Variants in RIPOR2 observed in about 807,000 individuals in gnomAD.
The protein encoded by RIPOR2 is RHO family interacting cell polarization regulator 2.
In RIPOR2, 39 loss-of-function variants were observed where a neutral mutation model predicts 114.5. The ratio of observed to expected loss-of-function variants is 0.34; its 90% CI spans 0.26 to 0.44. RIPOR2 has a LOEUF of 0.44. RIPOR2 is among the 20% of genes least tolerant of loss of function. RIPOR2 has a pLI of 1.00. For missense variants in RIPOR2, 1,007 were observed against 1,255.1 expected, an observed-to-expected ratio of 0.80 and a Z score of 2.99; for synonymous variants, 445 against 484.4, an observed-to-expected ratio of 0.92 and a Z score of 1.07.
At chr6:24,898,542 T>G (rs1768102722) in intron 1 of RIPOR2, 1 of 152,208 alleles carries the variant, frequency 6.6e-6, no homozygotes, top group Admixed American at 6.5e-5. Context: ...TTCCTTTGGT[T>G]GTCCTTTTTT....
intron 13 of RIPOR2, 72 bp downstream of exon 13, chr6:24,842,790 C>T: frequency 1.2e-6 from 1 of 841,504 alleles, no homozygotes; most frequent in Non-Finnish European, 1.7e-6. Context: ...AATGATACCT[C>T]ATCTTAAATA....
At chr6:24,839,679 G>T in intron 13 of RIPOR2, 1 of 1,523,034 alleles carries the variant, frequency 6.6e-7, no homozygotes, top group South Asian at 1.3e-5. Context: ...ACAAAGCCTT[G>T]GGAAACAGAA....
intron 1 of RIPOR2, among the ~76,000 whole-genome samples, chr6:24,932,406 G>A (rs1469642518): frequency 6.6e-6 from 1 of 151,842 alleles, no homozygotes; most frequent in Non-Finnish European, 1.5e-5. Flanking sequence ...CAGACATTGG[G>A]ATTTGCAGTG....
In RIPOR2 at chr6:24,883,232, A is replaced by C. The variant is rs1766513873; in HGVS notation, c.62-7415T>G. 6.6e-6 allele frequency among the ~76,000 whole-genome samples: 1 copy of C among 152,196 alleles called. No homozygotes were observed. The highest frequency in any genetic ancestry group is 6.5e-5 in the Admixed American group (1 of 15,282). ...ACATCTGTGATTTCTGAATGACATG[A>C]GTAAGGATATCTCAGTTCTCGCCAA... is the stretch of plus-strand genomic sequence containing the variant. On this transcript the variant is annotated intron_variant, in intron 1 of 21. Transcript: ENST00000643898. This position sits in a 1 kb window ranked among gnomAD's most constrained non-coding sequence, Gnocchi z 4.1.
At chr6:24,987,558 A>G (rs141178445) in intron 1 of RIPOR2, among the ~76,000 whole-genome samples, 4 of 152,188 alleles carry the variant, frequency 2.6e-5, no homozygotes, top group Non-Finnish European at 5.9e-5. Flanking sequence ...TTTGAAACAC[A>G]TAAGGAGATG....
At chr6:24,990,458 C>A (rs1258106268) in intron 1 of RIPOR2, among the ~76,000 whole-genome samples, 1 of 152,194 alleles carries the variant, frequency 6.6e-6, no homozygotes, top group African/African-American at 2.4e-5. Flanking sequence ...TTCATATGGC[C>A]TCATGGTCTC....
At chr6:24,821,819 G>A (rs1019256530) in intron 19 of RIPOR2, among the ~76,000 whole-genome samples, 12 of 152,222 alleles carry the variant, frequency 7.9e-5, no homozygotes, top group African/African-American at 2.7e-4. Flanking sequence ...TTCCAGAGGT[G>A]GATATACACC....
chr6:25,019,794 A>G (rs1375850835), intron 1 of RIPOR2, among the ~76,000 whole-genome samples: 24 of 149,538 alleles, frequency 1.6e-4, no homozygotes, highest in East Asian at 9.7e-4. Context: ...AAAAAAAAAA[A>G]AAAAGAAAAG....
At chr6:24,994,083 C>T (rs965869269) in intron 1 of RIPOR2, among the ~76,000 whole-genome samples, 8 of 152,118 alleles carry the variant, frequency 5.3e-5, no homozygotes, top group Non-Finnish European at 8.8e-5. Flanking sequence ...AAAATGTAAG[C>T]TCCCAGACAA....
chr6:24,868,493 C>A (rs2113863882), intron 6 of RIPOR2, among the ~76,000 whole-genome samples: 1 of 152,230 alleles, frequency 6.6e-6, no homozygotes. Context: ...GTGCCCAGAA[C>A]AAGGGGGTGA....
chr6:24,821,426 C>T lies in RIPOR2; in HGVS notation c.2869-2801G>A, dbSNP rs190001370. 3.6e-3 allele frequency among the ~76,000 whole-genome samples: 539 copies of T among 150,054 alleles called. 16 individuals are homozygous for T. In the East Asian group the frequency reaches 0.083, roughly 23 times the overall value. The stretch of plus-strand genomic sequence containing the variant: ...CTCAAACTCCCGACCTCAGGTGATG[C>T]GCCCGCCTCGGCCTCCCAAAGTGCT... On this transcript the variant is annotated intron_variant, in intron 19 of 21. Coordinates refer to ENST00000643898, the MANE Select transcript of RIPOR2 (RefSeq NM_001286445.3).
Position 24,832,444 on chromosome 6 carries a change from T to C in RIPOR2, c.2209-53A>G, listed in dbSNP as rs866594705. 312 of 1,494,856 alleles carry C rather than the reference T, an allele frequency of 2.1e-4. 1 individual carries two copies. Among genetic ancestry groups the C allele is most frequent in the Middle Eastern group, 3.4e-4 (2 of 5,868 alleles). The allele number at this position is 1,494,856 out of a possible 1,614,324, so 92.6% of individuals were successfully genotyped here. ...CAATTATGTTGTTTTCAGTAGAGCT[T>C]TCTCTACCCAGCCTCATCCTTCCTG... is the stretch of plus-strand genomic sequence containing the variant. On this transcript the variant is annotated intron_variant, in intron 15 of 21. Coordinates refer to ENST00000643898, the MANE Select transcript of RIPOR2 (RefSeq NM_001286445.3).
chr6:24,835,409 C>T (rs1562234838), intron 15 of RIPOR2, among the ~76,000 whole-genome samples: 1 of 152,050 alleles, frequency 6.6e-6, no homozygotes, highest in South Asian at 2.1e-4. Context: ...AATGGCTTCC[C>T]CCCACCCCCT....
chr6:24,864,498 A>C (rs982707712), intron 7 of RIPOR2, among the ~76,000 whole-genome samples: 14 of 152,204 alleles, frequency 9.2e-5, no homozygotes, highest in South Asian at 2.1e-4. Context: ...CCCAGGGCTG[A>C]ACCAGATGCT....
intron 1 of RIPOR2, among the ~76,000 whole-genome samples, chr6:25,007,688 C>T (rs1407807427): frequency 6.6e-6 from 1 of 151,940 alleles, no homozygotes; most frequent in African/African-American, 2.4e-5. Context: ...CCCTCCCCAT[C>T]TTCCTTCTCG....
At chr6:24,917,494 C>T (rs1770166641) in intron 1 of RIPOR2, among the ~76,000 whole-genome samples, 1 of 152,176 alleles carries the variant, frequency 6.6e-6, no homozygotes. Flanking sequence ...TACGTGTAAG[C>T]ACAATGCTAA....
intron 11 of RIPOR2, among the ~76,000 whole-genome samples, chr6:24,848,770 A>G (rs188958268): frequency 1.2e-3 from 179 of 152,282 alleles, no homozygotes; most frequent in African/African-American, 4.0e-3. Context: ...TGATGATGAC[A>G]AAGCAAGAGT....
chr6:25,015,322 A>G (rs1359604878), intron 1 of RIPOR2: 1 of 152,244 alleles, frequency 6.6e-6, no homozygotes, highest in East Asian at 1.9e-4. Context: ...TACTCTGGTA[A>G]GAAGCCCAGG....
At chr6:25,000,580 T>G (rs1427688125) in intron 1 of RIPOR2, among the ~76,000 whole-genome samples, 3 of 152,226 alleles carry the variant, frequency 2.0e-5, no homozygotes, top group Non-Finnish European at 4.4e-5. Context: ...ATTAACAATG[T>G]TAGGCTACAT....
Sources: gnomAD v4.1 joint callset for allele counts (sites outside exome capture counted in the v4.1 genomes callset) on GRCh38, gnomAD v4.1.1 for gene constraint, Gnocchi (gnomAD v3.1) non-coding constraint, MANE v1.5 for transcripts, NCBI Gene and HGNC (gene_info 2026-07-23, HGNC 2026-07-21) for gene names.